DNAH5: variants seen among roughly 807,000 people sequenced by gnomAD.
DNAH5 encodes the protein dynein axonemal heavy chain 5.
DNAH5 carries 372 observed loss-of-function variants against 518.2 expected under a neutral mutation model. The observed-to-expected ratio is 0.72, with a 90% CI of 0.66 to 0.78. The LOEUF (loss-of-function observed/expected upper bound fraction) is 0.78. DNAH5 is among the 30% of genes least tolerant of loss of function. The probability of loss-of-function intolerance (pLI) is 0.00; values close to 1 mark genes in which losing one functional copy is unlikely to be tolerated. For synonymous variants in DNAH5, 2,039 were observed against 2,025.9 expected, an observed-to-expected ratio of 1.01 and a Z score of -0.17; for missense variants, 5,523 against 5,687.0, an observed-to-expected ratio of 0.97 and a Z score of 0.93.
At chr5:13,714,027 G>A (rs1312943253) in intron 75 of DNAH5, among the ~76,000 whole-genome samples, 1 of 152,136 alleles carries the variant, frequency 6.6e-6, no homozygotes, top group Non-Finnish European at 1.5e-5. Context: ...ATTTTAAGGT[G>A]TGCATTAAAC....
At chr5:13,849,350 T>G (rs1274911679) in intron 31 of DNAH5, among the ~76,000 whole-genome samples, 2 of 152,224 alleles carry the variant, frequency 1.3e-5, no homozygotes, top group African/African-American at 4.8e-5. Context: ...TTCCATTCCC[T>G]TAGTTCCCTG....
chr5:13,977,659 G>A (rs946126570), intron 1 of DNAH5, among the ~76,000 whole-genome samples: 1 of 151,836 alleles, frequency 6.6e-6, no homozygotes, highest in Non-Finnish European at 1.5e-5. Context: ...TTTCTCCGTC[G>A]AAGGCGGAGG....
intron 21 of DNAH5, 62 bp downstream of exon 21, chr5:13,882,666 C>T: frequency 2.3e-6 from 3 of 1,324,714 alleles, no homozygotes; most frequent in Non-Finnish European, 3.2e-6. Context: ...GGTTAAAAAA[C>T]ATTTAAGCTC....
Position 13,814,845 on chromosome 5 carries a change from C to G in DNAH5, c.6990G>C (p.Gly2330=). ...LWRKTLRAKK[G]EHIWIILDGP... is the part of the protein sequence containing the mutation. ...CATCAAGAATTATCCAGATATGTTC[C>G]CCTAGAATACCCCACCAAAGGGAAA... is the stretch of plus-strand genomic sequence containing the variant. The change falls in exon 43 of 79, where the codon GGG becomes GGC. Residue 2330 remains glycine (G), a splice_region_variant and synonymous_variant. Coordinates refer to ENST00000265104, the MANE Select transcript of DNAH5 (RefSeq NM_001369.3). The G allele has an allele frequency of 3.7e-6, 6 of 1,613,500 alleles. No individual in the cohort carries two copies. Among genetic ancestry groups the G allele is most frequent in the Non-Finnish European group, 5.1e-6 (6 of 1,179,902 alleles).
chr5:13,985,126 T>C (rs982305303), intron 1 of DNAH5, among the ~76,000 whole-genome samples: 1 of 152,034 alleles, frequency 6.6e-6, no homozygotes, highest in African/African-American at 2.4e-5. Flanking sequence ...GTGTCCTTTG[T>C]AGGGACATGG....
upstream of DNAH5, among the ~76,000 whole-genome samples, chr5:13,947,915 C>A (rs1780055591): frequency 6.6e-6 from 1 of 152,216 alleles, no homozygotes; most frequent in African/African-American, 2.4e-5. Context: ...GAAATGTGGT[C>A]ATTCCAAATG....
In DNAH5 at chr5:13,871,573, G is replaced by A. The variant is rs2151920227; in HGVS notation, c.3589C>T (p.Leu1197=). Reference sequence around the variant, plus strand: ...AAGAAAATGAACCAACCTGTGTACAGAGCAATGGAACCCACACAGACATAT... The same window carrying A: ...AAGAAAATGAACCAACCTGTGTACAAAGCAATGGAACCCACACAGACATAT... ...PEYVCVGSIA[L]YTADLKFALT... Residue 1197 remains leucine, a synonymous_variant, in exon 23 of 79, where the codon CTG becomes TTG. Transcript: ENST00000265104. 1 of 1,613,082 alleles carries A rather than the reference G, an allele frequency of 6.2e-7. No homozygotes were observed. The highest frequency in any genetic ancestry group is 8.5e-7 in the Non-Finnish European group (1 of 1,179,206).
intron 51 of DNAH5, among the ~76,000 whole-genome samples, chr5:13,786,772 T>C (rs181147948): frequency 6.6e-6 from 1 of 152,250 alleles, no homozygotes; most frequent in Admixed American, 6.5e-5. Flanking sequence ...TTTTTATAAT[T>C]CATGAATCTC....
chr5:13,775,689 G>C (rs1339162687), intron 55 of DNAH5, among the ~76,000 whole-genome samples: 1 of 152,054 alleles, frequency 6.6e-6, no homozygotes, highest in Non-Finnish European at 1.5e-5. Flanking sequence ...GGGTACCACA[G>C]AGCTGTAGAG....
rs574887857 is a variant in DNAH5 at position 13,877,159 on chromosome 5, G to GA, written c.3263-343dup. ...AGCCTTACAACCATTATAACTGGAG[G>GA]AAAAAAACCTACCAGTAGCCTAGCA... On this transcript the variant is annotated intron_variant, in intron 21 of 78. Transcript: ENST00000265104. Among the ~76,000 whole-genome samples the GA allele has an allele frequency of 2.7e-3, 409 of 152,194 alleles. 1 individual carries two copies. Among genetic ancestry groups the GA allele is most frequent in the Non-Finnish European group, 3.4e-3 (231 of 67,998 alleles).
intron 1 of DNAH5, among the ~76,000 whole-genome samples, chr5:13,993,694 A>T (rs1032591241): frequency 1.3e-5 from 2 of 152,234 alleles, no homozygotes; most frequent in Non-Finnish European, 2.9e-5. Context: ...CAGCTATAAA[A>T]AGAGACTGGC....
intron 21 of DNAH5, among the ~76,000 whole-genome samples, chr5:13,879,840 T>C (rs1292526792): frequency 1.3e-5 from 2 of 151,438 alleles, no homozygotes; most frequent in African/African-American, 4.9e-5. Flanking sequence ...GAACAACTTA[T>C]GCATTATTGG....
In DNAH5 at chr5:13,919,275, T is replaced by G. The variant is rs1471915553; in HGVS notation, c.876A>C (p.Lys292Asn). The change falls in exon 7 of 79, where the codon AAA becomes AAC. Residue 292 changes from lysine to asparagine, a missense_variant. Around this residue, in one of 3 missense-constraint regions of DNAH5, gnomAD observed 5,121 missense variants for 5,223.3 expected, o/e 0.98. Transcript: ENST00000265104. ...GPRAELEHWK[K>N]RLSKFNYLLE... is the part of the protein sequence containing the mutation. ...AAAGGTAGTTAAACTTGGAGAGTCTTTTTTTCCAGTGCTCCAGCTCCGCTC... is the reference window on the plus strand; with the variant it reads ...AAAGGTAGTTAAACTTGGAGAGTCTGTTTTTCCAGTGCTCCAGCTCCGCTC... 6.2e-7 allele frequency: 1 copy of G among 1,614,020 alleles called. No individual in the cohort carries two copies. The highest frequency in any genetic ancestry group is 2.2e-5 in the East Asian group (1 of 44,900).
At chr5:13,819,802 T>C (rs1221168167) in intron 41 of DNAH5, among the ~76,000 whole-genome samples, 6 of 152,184 alleles carry the variant, frequency 3.9e-5, no homozygotes, top group Non-Finnish European at 5.9e-5. Flanking sequence ...CTAAAATAAA[T>C]CTGATTCCAA....
chr5:13,728,871 C>T (rs1746118768), intron 69 of DNAH5, among the ~76,000 whole-genome samples: 1 of 152,136 alleles, frequency 6.6e-6, no homozygotes, highest in Non-Finnish European at 1.5e-5. Context: ...TTCCATGATT[C>T]CAGAACATGC....
chr5:14,002,312 T>C (rs527613902), intron 1 of DNAH5, among the ~76,000 whole-genome samples: 40 of 152,350 alleles, frequency 2.6e-4, no homozygotes, highest in African/African-American at 9.4e-4. Context: ...TGGGTGCACA[T>C]CTGAAGAGAT....
chr5:13,928,254 T>C, intron 2 of DNAH5, 76 bp from the exon 3 acceptor site: 1 of 1,116,212 alleles, frequency 9.0e-7, no homozygotes, highest in Non-Finnish European at 1.4e-6. Context: ...ATTAATAATA[T>C]AAAAAAGGAA....
intron 75 of DNAH5, among the ~76,000 whole-genome samples, chr5:13,712,768 C>G (rs118031203): frequency 6.6e-6 from 1 of 151,882 alleles, no homozygotes; most frequent in African/African-American, 2.4e-5. Flanking sequence ...AAAACCACAA[C>G]GCGACAACAA....
At position 13,817,683 on chromosome 5, in the gene DNAH5, G is replaced by T. The variant is rs1761629730; in HGVS notation, c.6853C>A (p.Pro2285Thr). The T allele has an allele frequency of 6.2e-7, 1 of 1,614,130 alleles. No individual in the cohort carries two copies. The highest frequency in any genetic ancestry group is 8.5e-7 in the Non-Finnish European group (1 of 1,180,026). The change falls in exon 42 of 79, where the codon CCA becomes ACA. Residue 2285 changes from proline to threonine, a missense_variant. Transcript: ENST00000265104. ...LMRAMTDCGK[P>T]HREMRMNPKA... Reference sequence around the variant, plus strand: ...GGATTCATCCTCATTTCCCGATGTGGTTTTCCACAATCTATACCAAGTAAA... The same window carrying T: ...GGATTCATCCTCATTTCCCGATGTGTTTTTCCACAATCTATACCAAGTAAA...
Sources: gnomAD v4.1 joint callset for allele counts (sites outside exome capture counted in the v4.1 genomes callset) on GRCh38, gnomAD v4.1.1 for gene constraint, gnomAD v4.1.1 regional missense constraint, MANE v1.5 for transcripts, NCBI Gene and HGNC (gene_info 2026-07-23, HGNC 2026-07-21) for gene names.